KANK1: variants seen among roughly 807,000 people sequenced by gnomAD.
KANK1 encodes the protein KN motif and ankyrin repeat domain-containing protein 1.
KANK1 carries 109 observed loss-of-function variants against 106.2 expected under a neutral mutation model. That is an observed-to-expected ratio of 1.03 (90% CI 0.88 to 1.20). KANK1 has a LOEUF of 1.20. Ranked by LOEUF, KANK1 falls within the 50% of genes most tolerant of loss-of-function variation. KANK1 has a pLI of 0.00. For synonymous variants in KANK1, 873 were observed against 652.2 expected, an observed-to-expected ratio of 1.34 and a Z score of -5.16; for missense variants, 2,399 against 1,710.7, an observed-to-expected ratio of 1.40 and a Z score of -7.10.
chr9:533,988 T>G (rs1587584708), intron 1 of KANK1, among the ~76,000 whole-genome samples: 1 of 152,286 alleles, frequency 6.6e-6, no homozygotes, highest in East Asian at 1.9e-4. Flanking sequence ...AGGAGAATAA[T>G]GTAAGTCACC....
At chr9:736,839 C>G (rs1324721030) in intron 7 of KANK1, among the ~76,000 whole-genome samples, 1 of 152,228 alleles carries the variant, frequency 6.6e-6, no homozygotes, top group Non-Finnish European at 1.5e-5. Flanking sequence ...TATTTCCCAT[C>G]AGGTTTAACC....
chr9:712,898 C>A lies in KANK1; in HGVS notation c.2132C>A (p.Thr711Asn), dbSNP rs759439963. 1 of 1,614,086 alleles carries A rather than the reference C, an allele frequency of 6.2e-7. No individual in the cohort carries two copies. The highest frequency in any genetic ancestry group is 8.5e-7 in the Non-Finnish European group (1 of 1,180,034). The change falls in exon 3 of 12, where the codon ACT (threonine) becomes AAT (asparagine). Residue 711 changes from threonine to asparagine, a missense_variant. Coordinates refer to ENST00000382297, the MANE Select transcript of KANK1 (RefSeq NM_015158.5). ...STLDKQTSTQ[T>N]VETRTVAVGE... ...TTGGACAAGCAGACCAGCACCCAGACTGTGGAGACGCGGACAGTAGCTGTA... is the reference window on the plus strand; with the variant it reads ...TTGGACAAGCAGACCAGCACCCAGAATGTGGAGACGCGGACAGTAGCTGTA...
chr9:659,391 G>A (rs942417069), intron 1 of KANK1, among the ~76,000 whole-genome samples: 4 of 152,082 alleles, frequency 2.6e-5, no homozygotes, highest in African/African-American at 9.7e-5. Context: ...AGATTGCAGG[G>A]CCCCAAACCC....
intron 3 of KANK1, among the ~76,000 whole-genome samples, chr9:480,395 A>G (rs1021918933): frequency 4.6e-5 from 7 of 152,240 alleles, no homozygotes; most frequent in Admixed American, 2.6e-4. Context: ...ATGAAGGGGA[A>G]TGTTTACCAA....
chr9:608,602 C>T (rs1303523484), intron 1 of KANK1, among the ~76,000 whole-genome samples: 1 of 149,112 alleles, frequency 6.7e-6, no homozygotes, highest in Non-Finnish European at 1.5e-5. Flanking sequence ...CTAGTCACTT[C>T]GGGAGGAATG....
chr9:478,920 AC>A (rs923127387), intron 3 of KANK1, among the ~76,000 whole-genome samples: 8 of 138,768 alleles, frequency 5.8e-5, no homozygotes, highest in African/African-American at 2.3e-4. Flanking sequence ...AACATCCATT[AC>A]TTTTTTTTTT....
chr9:637,826 G>C (rs1837504255), intron 1 of KANK1, among the ~76,000 whole-genome samples: 1 of 152,168 alleles, frequency 6.6e-6, no homozygotes, highest in Non-Finnish European at 1.5e-5. Flanking sequence ...GACTGGGACA[G>C]ATGGGAAATT....
intron 1 of KANK1, among the ~76,000 whole-genome samples, chr9:608,700 C>T (rs1829888066): frequency 6.6e-6 from 1 of 152,096 alleles, no homozygotes; most frequent in South Asian, 2.1e-4. Context: ...AAAAATTGTT[C>T]ACAAAGGTTG....
intron 1 of KANK1, among the ~76,000 whole-genome samples, chr9:614,636 G>A (rs187923323): frequency 3.2e-4 from 49 of 152,152 alleles, no homozygotes; most frequent in Non-Finnish European, 6.3e-4. Flanking sequence ...TGCCGGAAGT[G>A]CCCCTCAGAC....
At chr9:604,337 G>C (rs769073002) in intron 1 of KANK1, among the ~76,000 whole-genome samples, 1 of 151,668 alleles carries the variant, frequency 6.6e-6, no homozygotes, top group African/African-American at 2.4e-5. Flanking sequence ...CCCACGTGTT[G>C]AGGGAGGGAC....
chr9:599,059 C>T (rs2135790452), intron 1 of KANK1, among the ~76,000 whole-genome samples: 1 of 147,982 alleles, frequency 6.8e-6, no homozygotes, highest in East Asian at 2.0e-4. Flanking sequence ...GCTTTTGTCA[C>T]CCAGGCTGGA....
At position 745,240 on chromosome 9, in the gene KANK1, A is replaced by C. The variant is rs1367052744; in HGVS notation, c.*5A>C. 3.7e-6 allele frequency: 6 copies of C among 1,614,060 alleles called. No individual in the cohort carries two copies. Among genetic ancestry groups the C allele is most frequent in the Non-Finnish European group, 5.1e-6 (6 of 1,179,926 alleles). On this transcript the variant is annotated 3_prime_UTR_variant, in exon 12 of 12. Coordinates refer to ENST00000382297, the MANE Select transcript of KANK1 (RefSeq NM_015158.5). ...CACCGAGGTTCATTTGATTGATTGT[A>C]TGCAAATAGCCCTTTATTTACATGC...
chr9:683,594 G>T (rs1240316464), intron 2 of KANK1, among the ~76,000 whole-genome samples: 1 of 152,208 alleles, frequency 6.6e-6, no homozygotes, highest in African/African-American at 2.4e-5. Flanking sequence ...TGTGATATCT[G>T]TGAAGTTCTG....
At chr9:513,466 A>G (rs565130472) in intron 1 of KANK1, among the ~76,000 whole-genome samples, 97 of 152,326 alleles carry the variant, frequency 6.4e-4, no homozygotes, top group African/African-American at 2.2e-3. Flanking sequence ...CAATTGAGCA[A>G]TGGGGCTTAG....
intron 2 of KANK1, among the ~76,000 whole-genome samples, chr9:692,487 T>C (rs1281253378): frequency 6.8e-6 from 1 of 147,888 alleles, no homozygotes; most frequent in Non-Finnish European, 1.5e-5. Context: ...AGTAAGAGAT[T>C]TGGGTTAGAT....
intron 1 of KANK1, among the ~76,000 whole-genome samples, chr9:644,520 C>G (rs116052117): frequency 5.3e-5 from 8 of 150,730 alleles, no homozygotes; most frequent in African/African-American, 2.0e-4. Context: ...GAAGCAGGCA[C>G]GTTTTACGTG....
chr9:505,738 T>C (rs2058726875), intron 1 of KANK1, among the ~76,000 whole-genome samples: 1 of 152,230 alleles, frequency 6.6e-6, no homozygotes, highest in South Asian at 2.1e-4. Context: ...TCAGCCCATC[T>C]TATTAAATAG....
chr9:585,481 A>T (rs865776972), intron 1 of KANK1, among the ~76,000 whole-genome samples: 6 of 152,236 alleles, frequency 3.9e-5, no homozygotes, highest in Admixed American at 6.5e-5. Flanking sequence ...TTAATAAAAG[A>T]CGCTTACCTT....
intron 3 of KANK1, among the ~76,000 whole-genome samples, chr9:722,645 C>G (rs1395292967): frequency 6.6e-6 from 1 of 152,206 alleles, no homozygotes; most frequent in African/African-American, 2.4e-5. Flanking sequence ...GCCAGAGTTT[C>G]AACACCATCC....
Sources: allele counts gnomAD v4.1 joint callset (sites outside exome capture counted in the v4.1 genomes callset), GRCh38; gene constraint gnomAD v4.1.1; transcripts MANE v1.5; gene names NCBI Gene and HGNC (gene_info 2026-07-23, HGNC 2026-07-21).